The following ZNF652 variants were observed in gnomAD, a reference collection of about 807,000 sequenced individuals.
ZNF652 encodes the protein zinc finger protein 652.
In ZNF652, 16 loss-of-function variants were observed where a neutral mutation model predicts 45.2. That is an observed-to-expected ratio of 0.35 (90% CI 0.24 to 0.54). The LOEUF is 0.54. ZNF652 is among the 20% of genes least tolerant of loss of function. The pLI, the probability that ZNF652 is intolerant of heterozygous loss-of-function variation, is 0.91. For missense variants in ZNF652, 614 were observed against 765.6 expected (o/e 0.80, Z 2.34); for synonymous variants, 250 against 260.6 (o/e 0.96, Z 0.39).
At chr17:49,299,236 T>C (rs1387496114) in intron 5 of ZNF652, among the ~76,000 whole-genome samples, 1 of 152,128 alleles carries the variant, frequency 6.6e-6, no homozygotes, top group Non-Finnish European at 1.5e-5. Context: ...AAGAAGAAGA[T>C]AAAGATGGGG....
intron 1 of ZNF652, among the ~76,000 whole-genome samples, chr17:49,349,380 C>G (rs2070246199): frequency 6.6e-6 from 1 of 152,002 alleles, no homozygotes; most frequent in South Asian, 2.1e-4. Flanking sequence ...ACCAGGGAAA[C>G]AGTGCAAAAT....
chr17:49,344,133 G>A (rs574559384), intron 1 of ZNF652, among the ~76,000 whole-genome samples: 12 of 152,034 alleles, frequency 7.9e-5, no homozygotes, highest in Admixed American at 5.9e-4. Flanking sequence ...CCCGGGAGGC[G>A]GAGCTTGCAG....
chr17:49,288,239 T>C (rs1320888989), downstream of ZNF652: 1 of 152,146 alleles, frequency 6.6e-6, no homozygotes, highest in Non-Finnish European at 1.5e-5. Flanking sequence ...AAAGCACTTA[T>C]TTAGTATATA....
At chr17:49,346,477 G>A (rs377211090) in intron 1 of ZNF652, among the ~76,000 whole-genome samples, 3 of 152,300 alleles carry the variant, frequency 2.0e-5, no homozygotes, top group African/African-American at 7.2e-5. Context: ...CTTGAACCTG[G>A]GAGGCAGAGG....
At chr17:49,341,845 T>C (rs1016781310) in intron 1 of ZNF652, among the ~76,000 whole-genome samples, 30 of 152,166 alleles carry the variant, frequency 2.0e-4, no homozygotes, top group African/African-American at 7.0e-4. Context: ...TACAACTACA[T>C]GAAACCATCT....
rs1215788362 is a variant in ZNF652, at chr17:49,351,003, A to G, written c.-259+10906T>C. 4.2e-3 allele frequency among the ~76,000 whole-genome samples: 89 copies of G among 21,324 alleles called. 3 individuals are homozygous for G. In the East Asian group the frequency reaches 0.043, roughly 10 times the overall value. The allele number at this position is 21,324 out of a possible 152,430, so 14.0% of individuals were successfully genotyped here. Reference sequence around the variant, plus strand: ...TATATATATATATATATATATATATATATATATATATACACACACACACAC... The same window carrying G: ...TATATATATATATATATATATATATGTATATATATATACACACACACACAC... On this transcript the variant is annotated intron_variant, in intron 1 of 5. Coordinates refer to ENST00000430262, the MANE Select transcript of ZNF652 (RefSeq NM_001145365.3).
At chr17:49,331,877 G>A (rs2070028989) in intron 1 of ZNF652, among the ~76,000 whole-genome samples, 1 of 152,238 alleles carries the variant, frequency 6.6e-6, no homozygotes, top group Admixed American at 6.5e-5. Flanking sequence ...GCTGAGGCAG[G>A]AGAATCGGTT....
intron 1 of ZNF652, among the ~76,000 whole-genome samples, chr17:49,350,978 T>TACATAC (rs1567700045): frequency 4.7e-4 from 7 of 14,820 alleles, no homozygotes; most frequent in South Asian, 1.4e-3. Context: ...TACATATATA[T>TACATAC]ATATATATAT....
rs139767540 is a variant in ZNF652, at chr17:49,356,182, C to T, written c.-259+5727G>A. Among the ~76,000 whole-genome samples, 72 of 151,986 alleles carry T rather than the reference C, an allele frequency of 4.7e-4. 1 individual carries two copies. The highest frequency in any genetic ancestry group is 1.6e-3 in the African/African-American group (66 of 41,462). On this transcript the variant is annotated intron_variant, in intron 1 of 5. Coordinates refer to ENST00000430262, the MANE Select transcript of ZNF652 (RefSeq NM_001145365.3). ...GTGGCTCACACCTGTAATCTCAGCACTTTGGGAGGCCAAGGCAGGTGGATC... is the reference window on the plus strand; with the variant it reads ...GTGGCTCACACCTGTAATCTCAGCATTTTGGGAGGCCAAGGCAGGTGGATC...
chr17:49,341,489 CAAAAAAAAAAAA>C (rs754847307), intron 1 of ZNF652, among the ~76,000 whole-genome samples: 6 of 82,204 alleles, frequency 7.3e-5, no homozygotes, highest in African/African-American at 2.8e-4. Context: ...CTCATCTCTA[CAAAAAAAAAAAA>C]AAAAAAAAAA....
intron 1 of ZNF652, among the ~76,000 whole-genome samples, chr17:49,357,142 C>CA (rs1207711498): frequency 1.1e-4 from 16 of 151,608 alleles, no homozygotes; most frequent in South Asian, 8.3e-4. Flanking sequence ...ACTAAAAATA[C>CA]AAAAAAATTA....
chr17:49,313,973 C>CAAAAAAAAAAAAAAAAAAAAAA lies in ZNF652; in HGVS notation c.901-1150_901-1129dup, dbSNP rs71144595. 4.4e-4 allele frequency among the ~76,000 whole-genome samples: 10 copies of CAAAAAAAAAAAAAAAAAAAAAA among 22,872 alleles called. 1 individual carries two copies. The highest frequency in any genetic ancestry group is 1.5e-3 in the East Asian group (1 of 682). 15.0% of individuals were successfully genotyped at this position (22,872 alleles called of 152,430 possible). ...GGCAACAAAGAGCGAAACTCCATCT[C>CAAAAAAAAAAAAAAAAAAAAAA]AAAAAAAAAAAAAAAAAAAAAAAAA... On this transcript the variant is annotated intron_variant, in intron 2 of 5. Coordinates refer to ENST00000430262, the MANE Select transcript of ZNF652 (RefSeq NM_001145365.3).
chr17:49,360,424 CCAAA>C (rs1305843103), intron 1 of ZNF652, among the ~76,000 whole-genome samples: 4 of 152,224 alleles, frequency 2.6e-5, no homozygotes, highest in South Asian at 2.1e-4. Context: ...TTCCATGAAC[CCAAA>C]CAAAGATTAC....
At chr17:49,322,963 G>T (rs1174495145) in intron 1 of ZNF652, among the ~76,000 whole-genome samples, 1 of 152,184 alleles carries the variant, frequency 6.6e-6, no homozygotes, top group African/African-American at 2.4e-5. Flanking sequence ...CCGATGGGGG[G>T]TCTTGCTTCA....
chr17:49,308,151 A>G (rs2069658938), intron 5 of ZNF652, among the ~76,000 whole-genome samples: 1 of 152,098 alleles, frequency 6.6e-6, no homozygotes, highest in Admixed American at 6.6e-5. Context: ...AGTTTCCCAT[A>G]TATTTTAATA....
chr17:49,334,596 T>C (rs922514375), intron 1 of ZNF652, among the ~76,000 whole-genome samples: 1 of 152,048 alleles, frequency 6.6e-6, no homozygotes, highest in African/African-American at 2.4e-5. Context: ...GTGGGCAACA[T>C]GGTGAAACCC....
At chr17:49,338,370 T>A (rs543091865) in intron 1 of ZNF652, among the ~76,000 whole-genome samples, 2 of 152,262 alleles carry the variant, frequency 1.3e-5, no homozygotes, top group East Asian at 3.9e-4. Flanking sequence ...TGCATGGAAC[T>A]GTGGTAACCA....
At chr17:49,360,946 T>C (rs746322875) in intron 1 of ZNF652, among the ~76,000 whole-genome samples, 6 of 152,172 alleles carry the variant, frequency 3.9e-5, no homozygotes, top group Non-Finnish European at 5.9e-5. Flanking sequence ...ATAATGATGC[T>C]TGAACACGGG....
chr17:49,334,586 G>A (rs555489497), intron 1 of ZNF652, among the ~76,000 whole-genome samples: 60 of 152,122 alleles, frequency 3.9e-4, no homozygotes, highest in Non-Finnish European at 7.5e-4. Context: ...CGAGACCAGC[G>A]TGGGCAACAT....
Sources: allele counts gnomAD v4.1 joint callset (sites outside exome capture counted in the v4.1 genomes callset), GRCh38; gene constraint gnomAD v4.1.1; transcripts MANE v1.5; gene names NCBI Gene and HGNC (gene_info 2026-07-23, HGNC 2026-07-21).